The following PPP6R3 variants were observed in gnomAD, a reference collection of about 807,000 sequenced individuals.
The protein encoded by PPP6R3 is serine/threonine-protein phosphatase 6 regulatory subunit 3.
In PPP6R3, 38 loss-of-function variants were observed where a neutral mutation model predicts 110.7. That is an observed-to-expected ratio of 0.34 (90% CI 0.26 to 0.45). The LOEUF (loss-of-function observed/expected upper bound fraction) is 0.45, where lower values mean the gene tolerates loss of function less well. Ranked by LOEUF, PPP6R3 falls within the 20% of genes least tolerant of loss-of-function variation. The pLI is 1.00. For synonymous variants in PPP6R3, 369 were observed against 373.5 expected (o/e 0.99, Z 0.14); for missense variants, 870 against 1,062.4 (o/e 0.82, Z 2.52).
intron 15 of PPP6R3, among the ~76,000 whole-genome samples, chr11:68,584,649 A>T (rs1407349836): frequency 2.6e-5 from 4 of 152,220 alleles, no homozygotes; most frequent in African/African-American, 9.7e-5. Flanking sequence ...TTCCAGGGTC[A>T]TACCTGTTCT....
chr11:68,598,693 G>A (rs369528062), intron 19 of PPP6R3, among the ~76,000 whole-genome samples: 1 of 152,178 alleles, frequency 6.6e-6, no homozygotes, highest in Non-Finnish European at 1.5e-5. Flanking sequence ...ACTCTGAGGA[G>A]CTCATCTGGG....
At chr11:68,604,124 C>T (rs992962058) in intron 22 of PPP6R3, among the ~76,000 whole-genome samples, 9 of 152,136 alleles carry the variant, frequency 5.9e-5, no homozygotes, top group Admixed American at 2.6e-4. Context: ...CTGCTTATTG[C>T]GAGGTCACTA....
At chr11:68,474,757 C>T (rs1183297129) in intron 1 of PPP6R3, among the ~76,000 whole-genome samples, 1 of 151,882 alleles carries the variant, frequency 6.6e-6, no homozygotes, top group Non-Finnish European at 1.5e-5. Flanking sequence ...TTATTAAAAT[C>T]TTTGTTTTTT....
chr11:68,476,450 G>T (rs546890954), intron 1 of PPP6R3, among the ~76,000 whole-genome samples: 2 of 146,542 alleles, frequency 1.4e-5, no homozygotes, highest in East Asian at 4.0e-4. Context: ...GAGGGAGACC[G>T]TGGGGAGAGG....
At chr11:68,560,368 T>C in intron 8 of PPP6R3, among the ~76,000 whole-genome samples, 1 of 152,154 alleles carries the variant, frequency 6.6e-6, no homozygotes, top group East Asian at 1.9e-4. Flanking sequence ...AATGACTGTG[T>C]GCTATGGACT....
At chr11:68,477,741 A>AAAAAATATATATAT in intron 1 of PPP6R3, among the ~76,000 whole-genome samples, 85 of 57,896 alleles carry the variant, frequency 1.5e-3, no homozygotes, top group Non-Finnish European at 1.8e-3. Context: ...AAAAAAAAAA[A>AAAAAATATATATAT]ATATATATAT....
At chr11:68,556,559 A>T (rs555163032) in intron 7 of PPP6R3, among the ~76,000 whole-genome samples, 2 of 152,106 alleles carry the variant, frequency 1.3e-5, no homozygotes, top group African/African-American at 4.8e-5. Flanking sequence ...ACGAAAAAAA[A>T]AAACAATGAG....
At chr11:68,533,436 A>G (rs2099251769) in intron 2 of PPP6R3, among the ~76,000 whole-genome samples, 1 of 152,068 alleles carries the variant, frequency 6.6e-6, no homozygotes, top group African/African-American at 2.4e-5. Context: ...TAGCTGGCTG[A>G]GTGTGGTGGC....
intron 18 of PPP6R3, among the ~76,000 whole-genome samples, chr11:68,594,331 A>AGG (rs1566084426): frequency 7.5e-6 from 1 of 133,032 alleles, no homozygotes; most frequent in African/African-American, 3.7e-5. Flanking sequence ...AAAGAGAGAG[A>AGG]GAGTGAGAGA....
At chr11:68,505,971 T>G (rs1348577724) in intron 1 of PPP6R3, among the ~76,000 whole-genome samples, 1 of 152,096 alleles carries the variant, frequency 6.6e-6, no homozygotes. Flanking sequence ...GGCCTGAGCC[T>G]TTTCTTCATT....
intron 1 of PPP6R3, among the ~76,000 whole-genome samples, chr11:68,461,156 T>C (rs1003173517): frequency 5.3e-5 from 8 of 150,838 alleles, no homozygotes; most frequent in African/African-American, 1.9e-4. Context: ...CTGACCCGGC[T>C]CTGGCTCCAG....
chr11:68,464,700 C>CT (rs1243062330), intron 1 of PPP6R3, among the ~76,000 whole-genome samples: 1 of 151,930 alleles, frequency 6.6e-6, no homozygotes, highest in Non-Finnish European at 1.5e-5. Flanking sequence ...TATCTTAGGA[C>CT]TTTTTTTTCT....
At chr11:68,573,175 G>C (rs2099517191) in intron 12 of PPP6R3, among the ~76,000 whole-genome samples, 1 of 88,632 alleles carries the variant, frequency 1.1e-5, no homozygotes, top group Non-Finnish European at 2.2e-5. Context: ...TTTTGAGACG[G>C]AGTCTTATTT....
At chr11:68,474,261 G>A (rs1191858757) in intron 1 of PPP6R3, among the ~76,000 whole-genome samples, 2 of 152,078 alleles carry the variant, frequency 1.3e-5, no homozygotes, top group Non-Finnish European at 2.9e-5. Context: ...GCCTAGGCTG[G>A]TCTCGAACTT....
intron 1 of PPP6R3, among the ~76,000 whole-genome samples, chr11:68,466,878 G>T (rs1229269768): frequency 2.6e-5 from 4 of 151,966 alleles, no homozygotes; most frequent in East Asian, 2.0e-4. Context: ...CTCCCAAAGT[G>T]CTGGGATTAC....
At chr11:68,580,481 C>T (rs1330781445) in intron 14 of PPP6R3, among the ~76,000 whole-genome samples, 2 of 152,012 alleles carry the variant, frequency 1.3e-5, no homozygotes, top group Non-Finnish European at 2.9e-5. Context: ...CACTGGGGAG[C>T]TGATAACAGA....
intron 18 of PPP6R3, 72 bp from the exon 19 acceptor site, chr11:68,596,025 C>T (rs2099612954): frequency 6.3e-7 from 1 of 1,579,470 alleles, no homozygotes; most frequent in South Asian, 1.1e-5. Context: ...TGCTGGATGA[C>T]TGTTAGAATT....
rs751190289 is a variant in PPP6R3 at position 68,551,174 on chromosome 11, G to A, written c.606G>A (p.Ser202=). 5.6e-6 allele frequency: 9 copies of A among 1,609,870 alleles called. No individual in the cohort carries two copies. The highest frequency in any genetic ancestry group is 2.2e-5 in the East Asian group (1 of 44,826). The change falls in exon 6 of 24, where the codon TCG becomes TCA. Residue 202 remains serine (S), a synonymous_variant. Coordinates refer to ENST00000393800, the MANE Select transcript of PPP6R3 (RefSeq NM_001164161.2). ...IQRLVEIVHP[S]QEEDRHSNAS... ...GGCTTGTGGAAATAGTTCATCCATC[G>A]CAAGAAGAAGATGTAAGTTCACTTG... is the stretch of plus-strand genomic sequence containing the variant.
At chr11:68,509,360 C>G (rs1048121514) in intron 1 of PPP6R3, among the ~76,000 whole-genome samples, 1 of 152,060 alleles carries the variant, frequency 6.6e-6, no homozygotes, top group Non-Finnish European at 1.5e-5. Flanking sequence ...GATAGGAAAC[C>G]TTGGATCTTG....
Sources: gnomAD v4.1 joint callset for allele counts (sites outside exome capture counted in the v4.1 genomes callset) on GRCh38, gnomAD v4.1.1 for gene constraint, MANE v1.5 for transcripts, NCBI Gene and HGNC (gene_info 2026-07-23, HGNC 2026-07-21) for gene names.